Variants in TACR3 observed in about 807,000 individuals in gnomAD.
TACR3 encodes tachykinin receptor 3.
In TACR3, 34 loss-of-function variants were observed where a neutral mutation model predicts 35.0. The ratio of observed to expected loss-of-function variants is 0.97; its 90% CI spans 0.74 to 1.30. TACR3 has a LOEUF of 1.30. TACR3 is among the 50% of genes most tolerant of loss of function. TACR3 has a pLI of 0.00. For missense variants in TACR3, 558 were observed against 591.7 expected, an observed-to-expected ratio of 0.94 and a Z score of 0.59; for synonymous variants, 233 against 221.1, an observed-to-expected ratio of 1.05 and a Z score of -0.48.
chr4:103,596,368 C>G (rs1296386679), intron 3 of TACR3, among the ~76,000 whole-genome samples: 1 of 151,848 alleles, frequency 6.6e-6, no homozygotes, highest in Non-Finnish European at 1.5e-5. Context: ...GTCCCACCAA[C>G]AGTGTAAAAG....
At chr4:103,607,064 G>T (rs1031125021) in intron 3 of TACR3, among the ~76,000 whole-genome samples, 4 of 152,132 alleles carry the variant, frequency 2.6e-5, no homozygotes, top group African/African-American at 7.2e-5. Flanking sequence ...TCCCTGGGAT[G>T]CAAGGCTGGT....
At chr4:103,615,707 T>C (rs887581283) in intron 3 of TACR3, among the ~76,000 whole-genome samples, 1 of 152,088 alleles carries the variant, frequency 6.6e-6, no homozygotes, top group Non-Finnish European at 1.5e-5. Flanking sequence ...CTTAATAAAA[T>C]ATGTTTCACA....
At chr4:103,695,613 G>T (rs79326371) in intron 1 of TACR3, among the ~76,000 whole-genome samples, 2 of 151,868 alleles carry the variant, frequency 1.3e-5, no homozygotes, top group African/African-American at 4.8e-5. Flanking sequence ...GTTTCGTGGG[G>T]TTCAAAATTA....
Position 103,717,486 on chromosome 4 carries a change from T to C in TACR3, c.548+1642A>G, listed in dbSNP as rs1560544078. On this transcript the variant is annotated intron_variant, in intron 1 of 4. Coordinates refer to ENST00000304883, the MANE Select transcript of TACR3 (RefSeq NM_001059.3). ...TTAAAATAACTCCAAGACAATCCCATAAATGTTGGCAGGAAGAAATTGGAA... is the reference window on the plus strand; with the variant it reads ...TTAAAATAACTCCAAGACAATCCCACAAATGTTGGCAGGAAGAAATTGGAA... Among the ~76,000 whole-genome samples, 4 of 152,230 alleles carry C rather than the reference T, an allele frequency of 2.6e-5. No individual in the cohort carries two copies. In the South Asian group the frequency reaches 8.3e-4, roughly 32 times the overall value.
rs578220030 is a variant in TACR3, at chr4:103,709,338, T to A, written c.548+9790A>T. On this transcript the variant is annotated intron_variant, in intron 1 of 4. Transcript: ENST00000304883. ...AGAAACTCTACAGGCCAGAAGAGAG[T>A]GGGGGCCAATATTCAACATTCTTAA... 1.2e-4 allele frequency among the ~76,000 whole-genome samples: 18 copies of A among 151,984 alleles called. No individual in the cohort carries two copies. In the East Asian group the frequency reaches 3.3e-3, roughly 28 times the overall value.
At chr4:103,604,590 G>A (rs553888569) in intron 3 of TACR3, among the ~76,000 whole-genome samples, 1 of 151,626 alleles carries the variant, frequency 6.6e-6, no homozygotes, top group Admixed American at 6.6e-5. Flanking sequence ...AAACTACCAT[G>A]AGTGAACAGG....
intron 3 of TACR3, among the ~76,000 whole-genome samples, chr4:103,600,505 T>C (rs950359358): frequency 2.0e-5 from 3 of 152,320 alleles, no homozygotes; most frequent in African/African-American, 7.2e-5. Flanking sequence ...CTGCTAGCTT[T>C]TGAATGTGTT....
chr4:103,702,917 G>T (rs1657786144), intron 1 of TACR3, among the ~76,000 whole-genome samples: 1 of 102,362 alleles, frequency 9.8e-6, no homozygotes, highest in Non-Finnish European at 1.8e-5. Context: ...GGGGGGAGGG[G>T]GGAGGGATAG....
intron 1 of TACR3, among the ~76,000 whole-genome samples, chr4:103,685,823 G>C (rs1327463296): frequency 6.6e-6 from 1 of 152,144 alleles, no homozygotes; most frequent in East Asian, 1.9e-4. Context: ...ATCTCTGTAA[G>C]AGCAAGAAGA....
chr4:103,715,106 C>G (rs555851882), intron 1 of TACR3, among the ~76,000 whole-genome samples: 1 of 152,222 alleles, frequency 6.6e-6, no homozygotes, highest in South Asian at 2.1e-4. Flanking sequence ...TACAGAACAA[C>G]TTTTTTGCTA....
intron 1 of TACR3, among the ~76,000 whole-genome samples, chr4:103,692,633 A>G (rs561500583): frequency 6.6e-6 from 1 of 152,316 alleles, no homozygotes; most frequent in Middle Eastern, 3.4e-3. Context: ...ATTTATTTTG[A>G]CATGTTATGT....
rs761581456 is a variant in TACR3 at position 103,660,803 on chromosome 4, GA to G, written c.549-2401del. 6.7e-4 allele frequency among the ~76,000 whole-genome samples: 102 copies of G among 152,080 alleles called. 1 individual carries two copies. Among genetic ancestry groups the G allele is most frequent in the Non-Finnish European group, 4.7e-4 (32 of 67,922 alleles). On this transcript the variant is annotated intron_variant, in intron 1 of 4. Coordinates refer to ENST00000304883, the MANE Select transcript of TACR3 (RefSeq NM_001059.3). Reference sequence around the variant, plus strand: ...AAAATAATGCGTATGTTTCAAATAGGAGACTTTAAAATTCAACTCTCATGGT... The same window carrying G: ...AAAATAATGCGTATGTTTCAAATAGGGACTTTAAAATTCAACTCTCATGGT...
At chr4:103,678,566 T>C (rs2110207489) in intron 1 of TACR3, among the ~76,000 whole-genome samples, 1 of 152,254 alleles carries the variant, frequency 6.6e-6, no homozygotes, top group South Asian at 2.1e-4. Flanking sequence ...AAAAATCACC[T>C]CCATTCATTT....
At chr4:103,641,682 T>A (rs529894482) in intron 3 of TACR3, among the ~76,000 whole-genome samples, 1 of 152,146 alleles carries the variant, frequency 6.6e-6, no homozygotes, top group East Asian at 1.9e-4. Flanking sequence ...AATTCCCAGT[T>A]TATTGCAACA....
chr4:103,614,882 G>GTTTTTTTTTTTT (rs1325226834), intron 3 of TACR3, among the ~76,000 whole-genome samples: 3 of 90,818 alleles, frequency 3.3e-5, no homozygotes, highest in Admixed American at 1.0e-4. Context: ...GATTATGAAT[G>GTTTTTTTTTTTT]TGTTTTTTTT....
At chr4:103,616,308 G>A (rs1724658297) in intron 3 of TACR3, among the ~76,000 whole-genome samples, 1 of 151,896 alleles carries the variant, frequency 6.6e-6, no homozygotes, top group Non-Finnish European at 1.5e-5. Flanking sequence ...GTGTATGTGT[G>A]TGTGTGTGTG....
intron 1 of TACR3, among the ~76,000 whole-genome samples, chr4:103,703,659 C>T (rs1168570819): frequency 2.6e-5 from 4 of 151,986 alleles, no homozygotes; most frequent in Non-Finnish European, 5.9e-5. Context: ...ATGAGGAAAC[C>T]TCAATAAAAA....
intron 1 of TACR3, among the ~76,000 whole-genome samples, chr4:103,693,072 A>C (rs954903179): frequency 1.3e-5 from 2 of 152,288 alleles, no homozygotes; most frequent in African/African-American, 4.8e-5. Flanking sequence ...CAGAATTGCT[A>C]AATATCCTGG....
At chr4:103,685,084 A>G (rs984461464) in intron 1 of TACR3, among the ~76,000 whole-genome samples, 1 of 152,020 alleles carries the variant, frequency 6.6e-6, no homozygotes, top group Non-Finnish European at 1.5e-5. Flanking sequence ...TTACAAAAGA[A>G]GACTGAAGTT....
Sources: gnomAD v4.1 joint callset for allele counts (sites outside exome capture counted in the v4.1 genomes callset) on GRCh38, gnomAD v4.1.1 for gene constraint, MANE v1.5 for transcripts, NCBI Gene and HGNC (gene_info 2026-07-23, HGNC 2026-07-21) for gene names.